Variants in PTPRM observed in about 807,000 individuals in gnomAD.
The protein encoded by PTPRM is receptor-type tyrosine-protein phosphatase mu.
A neutral mutation model predicts 186.7 loss-of-function variants in PTPRM; 47 were observed. That is an observed-to-expected ratio of 0.25 (90% CI 0.20 to 0.32). The LOEUF (loss-of-function observed/expected upper bound fraction) is 0.32. PTPRM is among the 10% of genes least tolerant of loss of function. PTPRM has a pLI of 1.00. For missense variants in PTPRM, 1,494 were observed against 1,865.0 expected, an observed-to-expected ratio of 0.80 and a Z score of 3.66; for synonymous variants, 668 against 674.9, an observed-to-expected ratio of 0.99 and a Z score of 0.16.
intron 2 of PTPRM, among the ~76,000 whole-genome samples, chr18:7,836,013 G>A (rs2046030683): frequency 6.6e-6 from 1 of 151,946 alleles, no homozygotes; most frequent in South Asian, 2.1e-4. Flanking sequence ...GTTTCTTGTA[G>A]GCAACAGATT....
intron 7 of PTPRM, among the ~76,000 whole-genome samples, chr18:8,055,856 A>G (rs2087888267): frequency 6.6e-6 from 1 of 152,208 alleles, no homozygotes; most frequent in African/African-American, 2.4e-5. Context: ...TACCTTGAGA[A>G]CATCATATTT....
At chr18:7,883,946 G>A (rs556294525) in intron 2 of PTPRM, among the ~76,000 whole-genome samples, 16 of 152,206 alleles carry the variant, frequency 1.1e-4, no homozygotes, top group African/African-American at 3.9e-4. Flanking sequence ...TTAGAGACCA[G>A]CCTGGGCAAC....
At chr18:7,885,384 C>G (rs530470198) in intron 2 of PTPRM, among the ~76,000 whole-genome samples, 2 of 152,324 alleles carry the variant, frequency 1.3e-5, no homozygotes, top group South Asian at 2.1e-4. Flanking sequence ...CCAAACCCCC[C>G]TTCTTGCCAC....
At chr18:8,344,639 A>G (rs11876786) in intron 23 of PTPRM, among the ~76,000 whole-genome samples, 44,142 of 151,766 alleles carry the variant, frequency 0.29, 7,268 homozygotes, top group Middle Eastern at 0.5. Context: ...GACAGCTACT[A>G]CAGACCAGAA....
chr18:8,224,584 A>G (rs565263340), intron 14 of PTPRM, among the ~76,000 whole-genome samples: 25 of 152,262 alleles, frequency 1.6e-4, no homozygotes, highest in South Asian at 8.3e-4. Flanking sequence ...TGTATTGGGG[A>G]AAAAAATGAA....
intron 7 of PTPRM, among the ~76,000 whole-genome samples, chr18:8,049,840 T>C (rs751661776): frequency 6.6e-6 from 1 of 151,798 alleles, no homozygotes; most frequent in Non-Finnish European, 1.5e-5. Context: ...GCCTCCCGAG[T>C]AGCTGAGACT....
chr18:7,946,846 T>C (rs2052558944), intron 5 of PTPRM: 1 of 441,634 alleles, frequency 2.3e-6, no homozygotes, highest in African/African-American at 2.0e-5. Flanking sequence ...GCAGGAACTG[T>C]ACTATTGCAG....
intron 19 of PTPRM, among the ~76,000 whole-genome samples, chr18:8,280,483 G>A (rs1221606033): frequency 2.6e-5 from 4 of 151,986 alleles, no homozygotes; most frequent in Admixed American, 6.6e-5. Flanking sequence ...GAGAGGTCTC[G>A]CAATTTGAGA....
chr18:8,045,623 G>A (rs1325102307), intron 7 of PTPRM, among the ~76,000 whole-genome samples: 1 of 152,160 alleles, frequency 6.6e-6, no homozygotes, highest in Non-Finnish European at 1.5e-5. Flanking sequence ...AGGAAAATCT[G>A]TAGAGGTGGG....
intron 9 of PTPRM, among the ~76,000 whole-genome samples, chr18:8,079,881 C>T (rs2090033509): frequency 1.3e-5 from 2 of 151,982 alleles, no homozygotes; most frequent in Non-Finnish European, 2.9e-5. Context: ...GCACTTACAG[C>T]AGTCAACAGG....
At position 7,826,524 on chromosome 18, in the gene PTPRM, G is replaced by A. The variant is rs759648766; in HGVS notation, c.196+52253G>A. Among the ~76,000 whole-genome samples the A allele has an allele frequency of 1.5e-4, 23 of 152,288 alleles. No homozygotes were observed. The East Asian group carries it at 2.9e-3, about 19-fold the overall frequency. On this transcript the variant is annotated intron_variant, in intron 2 of 32. Transcript: ENST00000580170. Reference sequence around the variant, plus strand: ...AGAAAAGTGGTTTATTTCATTTATCGTGTAGCTCAGTTGTTTCCTTGAAAA... The same window carrying A: ...AGAAAAGTGGTTTATTTCATTTATCATGTAGCTCAGTTGTTTCCTTGAAAA...
intron 2 of PTPRM, among the ~76,000 whole-genome samples, chr18:7,874,862 C>T (rs1271336099): frequency 6.6e-6 from 1 of 152,160 alleles, no homozygotes; most frequent in African/African-American, 2.4e-5. Context: ...GCTGAAAACA[C>T]TAGGAGAAAC....
intron 4 of PTPRM, among the ~76,000 whole-genome samples, chr18:7,915,353 G>C (rs1030293491): frequency 6.6e-6 from 1 of 152,122 alleles, no homozygotes; most frequent in Admixed American, 6.5e-5. Flanking sequence ...TTTGGAGAGA[G>C]AGAGAGAATG....
chr18:7,663,128 G>A (rs542395511), intron 1 of PTPRM, among the ~76,000 whole-genome samples: 2 of 152,308 alleles, frequency 1.3e-5, no homozygotes, highest in African/African-American at 4.8e-5. Flanking sequence ...GGCAAGTCCT[G>A]CTTGCACAGT....
At chr18:8,305,063 G>A (rs184643693) in intron 20 of PTPRM, among the ~76,000 whole-genome samples, 1 of 152,098 alleles carries the variant, frequency 6.6e-6, no homozygotes, top group Non-Finnish European at 1.5e-5. Context: ...ACTCTTATTA[G>A]ACATGCTGCC....
chr18:7,598,782 CTTTT>C (rs34474506), intron 1 of PTPRM, among the ~76,000 whole-genome samples: 11 of 127,834 alleles, frequency 8.6e-5, no homozygotes, highest in Admixed American at 2.3e-4. Context: ...TTCTGAATTC[CTTTT>C]TTTTTTTTTT....
chr18:7,828,890 C>G (rs1317985931), intron 2 of PTPRM, among the ~76,000 whole-genome samples: 1 of 152,100 alleles, frequency 6.6e-6, no homozygotes, highest in Non-Finnish European at 1.5e-5. Flanking sequence ...AACGTTTACA[C>G]AAATGAATGA....
intron 13 of PTPRM, among the ~76,000 whole-genome samples, chr18:8,116,850 C>G (rs1475200255): frequency 6.6e-6 from 1 of 152,074 alleles, no homozygotes; most frequent in Non-Finnish European, 1.5e-5. Context: ...TAAATATTCC[C>G]CACTCCTATT....
intron 19 of PTPRM, among the ~76,000 whole-genome samples, chr18:8,279,248 C>T (rs773990182): frequency 1.3e-5 from 2 of 152,118 alleles, no homozygotes; most frequent in Non-Finnish European, 2.9e-5. Context: ...TCAAGGTCAT[C>T]TTCCATGGTG....
Sources: allele counts gnomAD v4.1 joint callset (sites outside exome capture counted in the v4.1 genomes callset), GRCh38; gene constraint gnomAD v4.1.1; transcripts MANE v1.5; gene names NCBI Gene and HGNC (gene_info 2026-07-23, HGNC 2026-07-21).